The following COL5A2 variants were observed in gnomAD, a reference collection of about 807,000 sequenced individuals.
COL5A2 encodes collagen type V alpha 2 chain.
In COL5A2, 23 loss-of-function variants were observed where a neutral mutation model predicts 208.2. That is an observed-to-expected ratio of 0.11 (90% CI 0.08 to 0.16). The LOEUF is 0.16. Among genes scored for constraint, COL5A2 ranks in the 10% least tolerant of loss-of-function variants. The probability of loss-of-function intolerance (pLI) is 1.00; values close to 1 mark genes in which losing one functional copy is unlikely to be tolerated. For synonymous variants in COL5A2, 625 were observed against 628.5 expected (o/e 0.99, Z 0.08); for missense variants, 1,590 against 1,956.4 (o/e 0.81, Z 3.53).
chr2:189,247,427 A>T, the COL5A2 span, among the ~76,000 whole-genome samples: 1 of 152,112 alleles, frequency 6.6e-6, no homozygotes, highest in Non-Finnish European at 1.5e-5. Context: ...GATTCACAAC[A>T]CATATTTGAG....
At chr2:189,245,086 C>G in the COL5A2 span, among the ~76,000 whole-genome samples, 1 of 152,248 alleles carries the variant, frequency 6.6e-6, no homozygotes, top group Admixed American at 6.5e-5. Flanking sequence ...TCAGTTACCT[C>G]CCACTGGGTC....
At chr2:189,324,059 C>A in the COL5A2 span, among the ~76,000 whole-genome samples, 37 of 152,126 alleles carry the variant, frequency 2.4e-4, no homozygotes, top group African/African-American at 8.9e-4. Context: ...CTGACAAAAA[C>A]AAGAAATGGG....
At chr2:189,131,812 C>T (rs1418053045) in intron 1 of COL5A2, among the ~76,000 whole-genome samples, 3 of 152,142 alleles carry the variant, frequency 2.0e-5, no homozygotes, top group Non-Finnish European at 4.4e-5. Flanking sequence ...CATCCATATA[C>T]ATAATTTTTA....
At chr2:189,060,675 T>A in intron 31 of COL5A2, 55 bp downstream of exon 31, 8 of 1,425,662 alleles carry the variant, frequency 5.6e-6, no homozygotes, top group Non-Finnish European at 7.9e-6. Context: ...ACATAAAAAG[T>A]GATAATTGAG....
the COL5A2 span, among the ~76,000 whole-genome samples, chr2:189,281,262 T>C: frequency 1.3e-5 from 2 of 152,180 alleles, no homozygotes; most frequent in African/African-American, 4.8e-5. Context: ...TTAGGCAAGA[T>C]GTCTAAACAG....
chr2:189,127,624 C>T (rs1463800291), intron 1 of COL5A2, among the ~76,000 whole-genome samples: 1 of 151,966 alleles, frequency 6.6e-6, no homozygotes, highest in East Asian at 1.9e-4. Flanking sequence ...GGATAATATA[C>T]CCCCTTCCCA....
chr2:189,390,072 T>C, the COL5A2 span, among the ~76,000 whole-genome samples: 1 of 152,080 alleles, frequency 6.6e-6, no homozygotes, highest in Admixed American at 6.6e-5. Flanking sequence ...CAAGTTCTTT[T>C]TGGCCTCCTA....
the COL5A2 span, among the ~76,000 whole-genome samples, chr2:189,261,875 G>A: frequency 2.7e-4 from 41 of 152,234 alleles, no homozygotes; most frequent in African/African-American, 9.9e-4. Flanking sequence ...AAAGGTAGCT[G>A]GAAGAAGAGG....
intron 5 of COL5A2, among the ~76,000 whole-genome samples, chr2:189,098,467 C>A (rs1686967555): frequency 6.6e-6 from 1 of 152,170 alleles, no homozygotes; most frequent in African/African-American, 2.4e-5. Context: ...ACAAATGTAA[C>A]AATAAAGTGT....
At chr2:189,393,411 CT>C in the COL5A2 span, among the ~76,000 whole-genome samples, 4 of 151,944 alleles carry the variant, frequency 2.6e-5, no homozygotes, top group East Asian at 1.9e-4. Flanking sequence ...CTCATTAATT[CT>C]TTTTTTAATA....
the COL5A2 span, among the ~76,000 whole-genome samples, chr2:189,353,996 C>T: frequency 8.5e-5 from 13 of 152,126 alleles, no homozygotes; most frequent in Non-Finnish European, 1.6e-4. Context: ...TAGAATGAAG[C>T]GATGTTGAAT....
rs1488498877 is a variant in COL5A2, at chr2:189,034,122, C to A, written c.4448G>T (p.Gly1483Val). 1 of 1,613,968 alleles carries A rather than the reference C, an allele frequency of 6.2e-7. No individual in the cohort carries two copies. Among genetic ancestry groups the A allele is most frequent in the South Asian group, 1.1e-5 (1 of 91,090 alleles). ...AACGCCGAATTCCTGGTCTGTGCCG[C>A]CAACATCCACAGGAGCAAGATCTAT... ...PIIDLAPVDVGGTDQEFGVEI... is the reference protein window; with the variant it reads ...PIIDLAPVDVVGTDQEFGVEI... Residue 1483 changes from glycine (G) to valine (V), a missense_variant, in exon 54 of 54, where the codon GGC (glycine) becomes GTC (valine). Physicochemically the swap from Gly to Val is moderately radical, Grantham distance 109 (BLOSUM62 -3). Transcript: ENST00000374866.
At chr2:189,425,939 C>G in the COL5A2 span, among the ~76,000 whole-genome samples, 1 of 152,288 alleles carries the variant, frequency 6.6e-6, no homozygotes, top group East Asian at 1.9e-4. Flanking sequence ...CCTGTATAGC[C>G]TGTGGAATCC....
chr2:189,152,976 T>A (rs1285554972), intron 1 of COL5A2, among the ~76,000 whole-genome samples: 2 of 152,166 alleles, frequency 1.3e-5, no homozygotes, highest in Non-Finnish European at 2.9e-5. Context: ...ACTGCAGATA[T>A]TCAGAGTGTA....
chr2:189,356,486 A>T, the COL5A2 span, among the ~76,000 whole-genome samples: 1 of 151,642 alleles, frequency 6.6e-6, no homozygotes, highest in Non-Finnish European at 1.5e-5. Context: ...CATTGAGTTG[A>T]TCTTCAATCT....
intron 1 of COL5A2, among the ~76,000 whole-genome samples, chr2:189,117,602 C>T (rs552657273): frequency 1.6e-4 from 25 of 152,188 alleles, no homozygotes; most frequent in African/African-American, 5.8e-4. Context: ...ATAGTATCCA[C>T]ATTCCAGATT....
At chr2:189,211,164 G>C (rs548686175) in intron 1 of COL5A2, among the ~76,000 whole-genome samples, 1 of 152,272 alleles carries the variant, frequency 6.6e-6, no homozygotes, top group East Asian at 1.9e-4. Context: ...GTTATGATTT[G>C]TTTAACAGGC....
At chr2:189,428,155 G>C in the COL5A2 span, among the ~76,000 whole-genome samples, 1 of 152,156 alleles carries the variant, frequency 6.6e-6, no homozygotes, top group African/African-American at 2.4e-5. Flanking sequence ...GGAAGCGGCA[G>C]GGTGAAATGA....
At position 189,092,340 on chromosome 2, in the gene COL5A2, C is replaced by A; in HGVS notation, c.537G>T (p.Pro179=). The change falls in exon 7 of 54, where the codon CCG becomes CCT. Residue 179 remains proline, a synonymous_variant. Transcript: ENST00000374866. ...QPGAPGPPGH[P]SHPGPDGLSR... is the part of the protein sequence containing the mutation. The stretch of plus-strand genomic sequence containing the variant: ...TCAAGCCATCGGGTCCTGGGTGGGA[C>A]GGATGTCCAGGAGGTCCTGGAGCAC... 1 of 1,609,498 alleles carries A rather than the reference C, an allele frequency of 6.2e-7. No individual in the cohort carries two copies. Among genetic ancestry groups the A allele is most frequent in the Non-Finnish European group, 8.5e-7 (1 of 1,177,778 alleles).
Sources: gnomAD v4.1 joint callset for allele counts (sites outside exome capture counted in the v4.1 genomes callset) on GRCh38, gnomAD v4.1.1 for gene constraint, MANE v1.5 for transcripts, NCBI Gene and HGNC (gene_info 2026-07-23, HGNC 2026-07-21) for gene names.